CPSF6: variants seen among roughly 807,000 people sequenced by gnomAD.
CPSF6 encodes the protein cleavage and polyadenylation specific factor 6, also known as cleavage and polyadenylation specificity factor subunit 6.
Under a neutral mutation model 56.7 loss-of-function variants are expected in CPSF6, and 10 were observed. That is an observed-to-expected ratio of 0.18 (90% CI 0.11 to 0.30). CPSF6 has a LOEUF of 0.30. Ranked by LOEUF, CPSF6 falls within the 10% of genes least tolerant of loss-of-function variation. The pLI is 1.00. For missense variants in CPSF6, 419 were observed against 722.9 expected (o/e 0.58, Z 4.82); for synonymous variants, 248 against 244.8 (o/e 1.01, Z -0.12).
chr12:69,264,726 A>T (rs1830010313), intron 9 of CPSF6, among the ~76,000 whole-genome samples: 1 of 152,178 alleles, frequency 6.6e-6, no homozygotes, highest in Non-Finnish European at 1.5e-5. Context: ...TTGCTATATC[A>T]AACAGTATTG....
Position 69,274,108 on chromosome 12 carries a change from A to ATTTTTTT in CPSF6, c.*4600_*4601insTTTTTTT, listed in dbSNP as rs1873390076. ...GGTAAGGTGATAATTGATCTAATAG[A>ATTTTTTT]CTTTTTTTTTTTTTTTTTTGCTGTC... On this transcript the variant is annotated 3_prime_UTR_variant, in exon 10 of 10. Transcript: ENST00000435070. 2.2e-5 allele frequency: 1 copy of ATTTTTTT among 45,578 alleles called. No homozygotes were observed. Among genetic ancestry groups the ATTTTTTT allele is most frequent in the African/African-American group, 1.1e-4 (1 of 8,854 alleles). The allele number at this position is 45,578 out of a possible 1,614,324, so 2.8% of individuals were successfully genotyped here.
intron 9 of CPSF6, among the ~76,000 whole-genome samples, chr12:69,268,387 G>A (rs1387945345): frequency 6.6e-6 from 1 of 151,442 alleles, no homozygotes; most frequent in African/African-American, 2.4e-5. Context: ...ATTACTGCTA[G>A]GCAGTGTGAA....
chr12:69,253,359 A>G (rs1565645988), intron 3 of CPSF6, among the ~76,000 whole-genome samples: 1 of 152,156 alleles, frequency 6.6e-6, no homozygotes, highest in Non-Finnish European at 1.5e-5. Context: ...TAAAACCAGT[A>G]GAGTGGAAAT....
In CPSF6 at chr12:69,272,501, A is replaced by C. The variant is rs1873292761; in HGVS notation, c.*2993A>C. ...CCAATCTAAATACATACTGTTTTAT[A>C]CAATGAGATGCATTACAAGACTTTT... is the stretch of plus-strand genomic sequence containing the variant. On this transcript the variant is annotated 3_prime_UTR_variant, in exon 10 of 10. Transcript: ENST00000435070. 1.3e-5 allele frequency: 2 copies of C among 151,762 alleles called. No individual in the cohort carries two copies. Among genetic ancestry groups the C allele is most frequent in the South Asian group, 4.1e-4 (2 of 4,832 alleles). The allele number at this position is 151,762 out of a possible 1,614,324, so 9.4% of individuals were successfully genotyped here. A position where few individuals can be genotyped will look rare whatever the true frequency, so the allele number is the denominator to read the frequency against.
chr12:69,257,848 G>A lies in CPSF6; in HGVS notation c.637G>A (p.Gly213Ser), dbSNP rs200906163. 1.1e-5 allele frequency: 18 copies of A among 1,610,402 alleles called. No individual in the cohort carries two copies. In the East Asian group the frequency reaches 3.6e-4, roughly 32 times the overall value. The change falls in exon 5 of 10, where the codon GGT becomes AGT. Residue 213 changes from glycine to serine, a missense_variant. Coordinates refer to ENST00000435070, the MANE Select transcript of CPSF6 (RefSeq NM_007007.3). The part of the protein sequence containing the change: ...GRGRFPGAVP[G>S]GDRFPGPAGP... ...GGGCCGTTTTCCAGGGGCTGTTCCTGGTGGGGACAGATTTCCTGGGCCAGC... is the reference window on the plus strand; with the variant it reads ...GGGCCGTTTTCCAGGGGCTGTTCCTAGTGGGGACAGATTTCCTGGGCCAGC...
At chr12:69,241,864 A>G (rs532321874) in intron 1 of CPSF6, among the ~76,000 whole-genome samples, 58 of 151,984 alleles carry the variant, frequency 3.8e-4, no homozygotes, top group Non-Finnish European at 6.2e-4. Context: ...TGGCCAATCA[A>G]TGATTGATTG....
chr12:69,255,801 T>G (rs1872483023), intron 3 of CPSF6, among the ~76,000 whole-genome samples: 1 of 152,182 alleles, frequency 6.6e-6, no homozygotes, highest in South Asian at 2.1e-4. Flanking sequence ...CCTCCCAAAG[T>G]GCTGAGATTA....
Position 69,273,360 on chromosome 12 carries a change from T to C in CPSF6, c.*3852T>C, listed in dbSNP as rs949226172. 9.3e-6 allele frequency: 2 copies of C among 214,474 alleles called. No homozygotes were observed. Among genetic ancestry groups the C allele is most frequent in the African/African-American group, 2.3e-5 (1 of 42,878 alleles). 13.3% of individuals were successfully genotyped at this position (214,474 alleles called of 1,614,324 possible). ...TGGGACGTATAAATACTTGATTATA[T>C]ACGACAGATTTTAATGTCTTTAAAG... On this transcript the variant is annotated 3_prime_UTR_variant, in exon 10 of 10. Transcript: ENST00000435070.
intron 1 of CPSF6, among the ~76,000 whole-genome samples, chr12:69,243,142 T>G (rs1348330321): frequency 6.6e-6 from 1 of 152,212 alleles, no homozygotes; most frequent in Non-Finnish European, 1.5e-5. Flanking sequence ...GTGTCTGTTA[T>G]GTGCCAACAA....
chr12:69,250,600 A>G (rs1486630702), intron 1 of CPSF6, among the ~76,000 whole-genome samples: 4 of 107,432 alleles, frequency 3.7e-5, no homozygotes, highest in East Asian at 2.7e-4. Flanking sequence ...CAAAAAAAAA[A>G]AAAAAAAGAA....
In CPSF6 at chr12:69,241,062, A is replaced by G. The variant is rs1871592205; in HGVS notation, c.60+1356A>G. Among the ~76,000 whole-genome samples, 2 of 152,214 alleles carry G rather than the reference A, an allele frequency of 1.3e-5. 1 individual carries two copies. Among genetic ancestry groups the G allele is most frequent in the South Asian group, 4.1e-4 (2 of 4,838 alleles). On this transcript the variant is annotated intron_variant, in intron 1 of 9. Coordinates refer to ENST00000435070, the MANE Select transcript of CPSF6 (RefSeq NM_007007.3). ...AGTTGCTCAGGCTTTTTAAAAAACA[A>G]GGAAACTCAAGAGATCTTTACTGTT...
At chr12:69,262,223 G>T in intron 8 of CPSF6, 150 bp from the exon 9 acceptor site, 1 of 864,608 alleles carries the variant, frequency 1.2e-6, no homozygotes, top group Non-Finnish European at 1.6e-6. Context: ...CTGGTGAGTT[G>T]GTAAGTCGTT....
intron 9 of CPSF6, among the ~76,000 whole-genome samples, chr12:69,266,948 T>C (rs963927215): frequency 1.3e-5 from 2 of 152,098 alleles, no homozygotes; most frequent in Non-Finnish European, 2.9e-5. Context: ...ATAACTAGAA[T>C]TGTTTTTATG....
rs1478693161 is a variant in CPSF6 at position 69,271,145 on chromosome 12, G to T, written c.*1637G>T. On this transcript the variant is annotated 3_prime_UTR_variant, in exon 10 of 10. Coordinates refer to ENST00000435070, the MANE Select transcript of CPSF6 (RefSeq NM_007007.3). ...TGCCAGTTTTATTTTAAAATATTTT[G>T]TGTTTGAAGTATCTGTGCATGGGAT... is the stretch of plus-strand genomic sequence containing the variant. 1 of 152,048 alleles carries T rather than the reference G, an allele frequency of 6.6e-6. No homozygotes were observed. The highest frequency in any genetic ancestry group is 2.4e-5 in the African/African-American group (1 of 41,386). The allele number at this position is 152,048 out of a possible 1,614,324, so 9.4% of individuals were successfully genotyped here.
At position 69,258,071 on chromosome 12, in the gene CPSF6, C is replaced by G. The variant is rs1872585613; in HGVS notation, c.694+166C>G. The G allele has an allele frequency of 6.5e-7, 1 of 1,537,540 alleles. No individual in the cohort carries two copies. On this transcript the variant is annotated intron_variant, in intron 5 of 9. Coordinates refer to ENST00000435070, the MANE Select transcript of CPSF6 (RefSeq NM_007007.3). The surrounding 1 kb of genome is among the most constrained non-coding windows in gnomAD (Gnocchi z 4.2). The stretch of plus-strand genomic sequence containing the variant: ...AAGCATCTTGTTAAAGGAACTCGGC[C>G]TTTGTTCCTGGAAACTAGGATTCCA...
At chr12:69,259,946 A>T (rs1285310864) in intron 7 of CPSF6, 98 bp from the exon 8 acceptor site, 14 of 1,217,208 alleles carry the variant, frequency 1.2e-5, no homozygotes, top group Admixed American at 4.5e-5. Flanking sequence ...ATAGCACAGT[A>T]CTTTTGTAAA....
At position 69,272,521 on chromosome 12, in the gene CPSF6, A is replaced by G. The variant is rs1873293667; in HGVS notation, c.*3013A>G. 6.6e-6 allele frequency: 1 copy of G among 151,652 alleles called. No individual in the cohort carries two copies. The highest frequency in any genetic ancestry group is 1.5e-5 in the Non-Finnish European group (1 of 67,654). 9.4% of individuals were successfully genotyped at this position (151,652 alleles called of 1,614,324 possible). A position where few individuals can be genotyped will look rare whatever the true frequency, so the allele number is the denominator to read the frequency against. ...TTTATACAATGAGATGCATTACAAG[A>G]CTTTTCTGTTGGAGTGCTCTCGACA... On this transcript the variant is annotated 3_prime_UTR_variant, in exon 10 of 10. Coordinates refer to ENST00000435070, the MANE Select transcript of CPSF6 (RefSeq NM_007007.3).
intron 7 of CPSF6, 131 bp downstream of exon 7, chr12:69,259,674 A>G (rs1037802379): frequency 2.4e-6 from 2 of 832,386 alleles, no homozygotes; most frequent in Non-Finnish European, 3.6e-6. Context: ...ATTACCTACG[A>G]TTTATTTAAA....
At chr12:69,244,699 T>C (rs1871800786) in intron 1 of CPSF6, among the ~76,000 whole-genome samples, 1 of 152,038 alleles carries the variant, frequency 6.6e-6, no homozygotes, top group Admixed American at 6.5e-5. Flanking sequence ...CCTGGTCTTT[T>C]TTTTTTTAAG....
Sources: gnomAD v4.1 joint callset for allele counts (sites outside exome capture counted in the v4.1 genomes callset) on GRCh38, gnomAD v4.1.1 for gene constraint, Gnocchi (gnomAD v3.1) non-coding constraint, MANE v1.5 for transcripts, NCBI Gene and HGNC (gene_info 2026-07-23, HGNC 2026-07-21) for gene names.